Variants in CYLC1 observed in about 807,000 individuals in gnomAD.
The protein encoded by CYLC1 is cylicin-1.
A neutral mutation model predicts 31.6 loss-of-function variants in CYLC1; 2 were observed. The ratio of observed to expected loss-of-function variants is 0.06; its 90% confidence interval spans 0.03 to 0.20. The LOEUF (loss-of-function observed/expected upper bound fraction) is 0.20, where lower values mean the gene tolerates loss of function less well. CYLC1 is among the 10% of genes least tolerant of loss of function. The pLI, the probability that CYLC1 is intolerant of heterozygous loss-of-function variation, is 1.00. For synonymous variants in CYLC1, 185 were observed against 153.0 expected, an observed-to-expected ratio of 1.21 and a Z score of -1.54; for missense variants, 595 against 424.1, an observed-to-expected ratio of 1.40 and a Z score of -3.54.
intron 4 of CYLC1, among the ~76,000 whole-genome samples, chrX:83,878,099 A>T (rs866390088): frequency 3.8e-5 from 2 of 52,148 alleles, no homozygotes; most frequent in African/African-American, 1.6e-4. Flanking sequence ...TTTGTATATA[A>T]ATATAAATAT....
chrX:83,874,013 G>A lies in CYLC1; in HGVS notation c.1305G>A (p.Lys435=). The A allele has an allele frequency of 8.4e-7, 1 of 1,191,887 alleles. No individual in the cohort carries two copies. Among genetic ancestry groups the A allele is most frequent in the South Asian group, 1.9e-5 (1 of 53,216 alleles). ...AAGATTCAAAGACAGATAATAAAAA[G>A]TCTGTCAAGAATGATGAAGAGTCTA... The part of the protein sequence containing the change: ...DKKDSKTDNK[K]SVKNDEESTD... The change falls in exon 4 of 5, where the codon AAG becomes AAA. Residue 435 remains lysine, a synonymous_variant. Coordinates refer to ENST00000329312, the MANE Select transcript of CYLC1 (RefSeq NM_021118.3).
intron 4 of CYLC1, among the ~76,000 whole-genome samples, chrX:83,878,344 TATATAA>T (rs1185383796): frequency 2.5e-5 from 1 of 39,360 alleles, no homozygotes; most frequent in Non-Finnish European, 4.1e-5. Flanking sequence ...TATATATAAA[TATATAA>T]ATATATATAA....
rs781282634 is a variant in CYLC1 at position 83,871,489 on chromosome X, C to T, written c.96C>T (p.His32=). The T allele has an allele frequency of 4.7e-5, 56 of 1,201,982 alleles. No individual in the cohort carries two copies. In the South Asian group the frequency reaches 9.0e-4, roughly 19 times the overall value. ...ESSRKSWNQK[H]FALTFPKPLQ... ...GCAGAAAATCATGGAATCAAAAACA[C>T]TTTGCTTTGACATTTCCCAAACCAC... The change falls in exon 3 of 5, where the codon CAC becomes CAT. Residue 32 remains histidine, a synonymous_variant. Transcript: ENST00000329312.
chrX:83,871,645 T>C lies in CYLC1; in HGVS notation c.177+75T>C, dbSNP rs1457316279. 2.0e-5 allele frequency: 19 copies of C among 945,870 alleles called. No homozygotes were observed. The East Asian group carries it at 5.7e-4, about 28-fold the overall frequency. 78.0% of individuals were successfully genotyped at this position (945,870 alleles called of 1,213,427 possible). A position where few individuals can be genotyped will look rare whatever the true frequency, so the allele number is the denominator to read the frequency against. ...CATATATAAATATAAGTAAGGCCTA[T>C]ATAACTTGAATTTTACTACCTGTTG... On this transcript the variant is annotated intron_variant, in intron 3 of 4. Coordinates refer to ENST00000329312, the MANE Select transcript of CYLC1 (RefSeq NM_021118.3).
chrX:83,865,659 T>A (rs1180813495), intron 1 of CYLC1, among the ~76,000 whole-genome samples: 1 of 111,720 alleles, frequency 9.0e-6, no homozygotes, highest in African/African-American at 3.3e-5. Context: ...ATTCCTTGCC[T>A]TTTTTAGCTT....
At chrX:83,878,497 A>T (rs1376003582) in intron 4 of CYLC1, among the ~76,000 whole-genome samples, 40 of 65,481 alleles carry the variant, frequency 6.1e-4, no homozygotes, top group Non-Finnish European at 8.5e-4. Flanking sequence ...ATATATATAT[A>T]TTTTCATACA....
At chrX:83,882,490 G>A (rs1039626537) in intron 4 of CYLC1, among the ~76,000 whole-genome samples, 2 of 110,237 alleles carry the variant, frequency 1.8e-5, no homozygotes, top group African/African-American at 6.6e-5. Context: ...GGTCTTGTCT[G>A]TACCTACATT....
chrX:83,878,841 G>A (rs992751081), intron 4 of CYLC1, among the ~76,000 whole-genome samples: 2 of 105,180 alleles, frequency 1.9e-5, no homozygotes, highest in East Asian at 3.0e-4. Context: ...ATCTTATGGA[G>A]TTTTCTCCTT....
chrX:83,865,314 G>T (rs1172851071), intron 1 of CYLC1, among the ~76,000 whole-genome samples: 1 of 110,757 alleles, frequency 9.0e-6, no homozygotes, highest in Non-Finnish European at 1.9e-5. Flanking sequence ...ATCCTCGATT[G>T]CCCTCTTTCT....
intron 4 of CYLC1, among the ~76,000 whole-genome samples, chrX:83,882,776 G>T (rs758322135): frequency 5.4e-5 from 6 of 110,816 alleles, no homozygotes; most frequent in Non-Finnish European, 1.1e-4. Flanking sequence ...ATTTCAAACT[G>T]TATATCCCTA....
intron 1 of CYLC1, among the ~76,000 whole-genome samples, chrX:83,862,041 A>T (rs1353431860): frequency 8.9e-6 from 1 of 111,872 alleles, no homozygotes; most frequent in African/African-American, 3.2e-5. Context: ...AGTAAACTTT[A>T]AAAAGTGCAC....
intron 1 of CYLC1, 62 bp downstream of exon 1, chrX:83,861,261 C>A: frequency 1.2e-6 from 1 of 810,572 alleles, no homozygotes; most frequent in Non-Finnish European, 1.8e-6. Context: ...AATTTAGTTA[C>A]AAATGTATAT....
intron 4 of CYLC1, among the ~76,000 whole-genome samples, chrX:83,881,328 C>T (rs753641959): frequency 3.6e-5 from 4 of 110,141 alleles, no homozygotes; most frequent in Non-Finnish European, 7.6e-5. Context: ...CAAGTAAATC[C>T]CTCTCTTATT....
rs1180530305 is a variant in CYLC1, at chrX:83,873,806, C to T, written c.1098C>T (p.Tyr366=). ...KDDKKKDTKK[Y]PESTDTESGD... is the part of the protein sequence containing the mutation. Reference sequence around the variant, plus strand: ...ACAAGAAAAAGGACACAAAGAAGTACCCAGAGTCTACTGATACTGAATCAG... The same window carrying T: ...ACAAGAAAAAGGACACAAAGAAGTATCCAGAGTCTACTGATACTGAATCAG... Residue 366 remains tyrosine, a synonymous_variant, in exon 4 of 5, where the codon TAC becomes TAT. Transcript: ENST00000329312. 1.7e-6 allele frequency: 2 copies of T among 1,189,498 alleles called. No homozygotes were observed. Among genetic ancestry groups the T allele is most frequent in the East Asian group, 3.0e-5 (1 of 33,289 alleles).
At chrX:83,883,860 G>A (rs1189034308) in intron 4 of CYLC1, among the ~76,000 whole-genome samples, 1 of 111,553 alleles carries the variant, frequency 9.0e-6, no homozygotes, top group African/African-American at 3.2e-5. Context: ...CTGGAGCTAG[G>A]TAATATCAAA....
chrX:83,886,663 T>C lies in CYLC1; in HGVS notation c.*79T>C. ...CTACTCTCAAATGAGCATTTCTACC[T>C]CTGTGGAACTGAAATAAAAACAAGT... On this transcript the variant is annotated 3_prime_UTR_variant, in exon 5 of 5. Transcript: ENST00000329312. The C allele has an allele frequency of 1.2e-6, 1 of 850,685 alleles. No individual in the cohort carries two copies. Among genetic ancestry groups the C allele is most frequent in the South Asian group, 2.3e-5 (1 of 42,722 alleles). The allele number at this position is 850,685 out of a possible 1,213,427, so 70.1% of individuals were successfully genotyped here. A position where few individuals can be genotyped will look rare whatever the true frequency, so the allele number is the denominator to read the frequency against.
chrX:83,876,884 T>A (rs2031767274), intron 4 of CYLC1, among the ~76,000 whole-genome samples: 1 of 110,882 alleles, frequency 9.0e-6, no homozygotes, highest in Non-Finnish European at 1.9e-5. Context: ...CCTTTGTGAG[T>A]ATATAGCGTT....
Position 83,874,119 on chromosome X carries a change from G to T in CYLC1, c.1411G>T (p.Asp471Tyr). Residue 471 changes from aspartate (D) to tyrosine (Y), a missense_variant, in exon 4 of 5, where the codon GAT (aspartate) becomes TAT (tyrosine). Coordinates refer to ENST00000329312, the MANE Select transcript of CYLC1 (RefSeq NM_021118.3). The part of the protein sequence containing the change: ...EKKGKKDSKK[D>Y]DKKKDAKKNA... ...GAAGGGGAAGAAAGATTCAAAGAAA[G>T]ATGACAAAAAGAAGGATGCAAAGAA... 8.3e-7 allele frequency: 1 copy of T among 1,202,678 alleles called. No homozygotes were observed. Among genetic ancestry groups the T allele is most frequent in the African/African-American group, 1.8e-5 (1 of 57,076 alleles).
intron 1 of CYLC1, among the ~76,000 whole-genome samples, chrX:83,869,632 G>T (rs1222201122): frequency 9.0e-6 from 1 of 110,830 alleles, no homozygotes; most frequent in East Asian, 2.8e-4. Flanking sequence ...ACGAATTAAA[G>T]GTAGACATTC....
Sources: allele counts gnomAD v4.1 joint callset (sites outside exome capture counted in the v4.1 genomes callset), GRCh38; gene constraint gnomAD v4.1.1; transcripts MANE v1.5; gene names NCBI Gene and HGNC (gene_info 2026-07-23, HGNC 2026-07-21).